DYRK4: variants seen among roughly 807,000 people sequenced by gnomAD.
DYRK4 encodes dual specificity tyrosine-phosphorylation-regulated kinase 4.
Under a neutral mutation model 68.3 loss-of-function variants are expected in DYRK4, and 64 were observed. The observed-to-expected ratio is 0.94, with a 90% CI of 0.77 to 1.15. The LOEUF (loss-of-function observed/expected upper bound fraction) is 1.15, where lower values mean the gene tolerates loss of function less well. Among genes scored for constraint, DYRK4 ranks in the 50% most tolerant of loss-of-function variants. The pLI, the probability that DYRK4 is intolerant of heterozygous loss-of-function variation, is 0.00. For missense variants in DYRK4, 740 were observed against 764.7 expected, an observed-to-expected ratio of 0.97 and a Z score of 0.38; for synonymous variants, 274 against 289.9, an observed-to-expected ratio of 0.95 and a Z score of 0.56.
At chr12:4,592,787 T>C (rs1481124171) in intron 5 of DYRK4, 2 of 502,374 alleles carry the variant, frequency 4.0e-6, no homozygotes, top group Non-Finnish European at 3.4e-6. Flanking sequence ...TGTCCTTGTG[T>C]TCCTTTCTCG....
At chr12:4,598,051 G>A (rs569339069) in intron 8 of DYRK4, among the ~76,000 whole-genome samples, 91 of 152,290 alleles carry the variant, frequency 6.0e-4, no homozygotes, top group African/African-American at 1.9e-3. Flanking sequence ...GGTCAACAGA[G>A]CAAGACTCTG....
intron 10 of DYRK4, chr12:4,603,198 C>T (rs1182338025): frequency 1.7e-6 from 2 of 1,179,406 alleles, no homozygotes; most frequent in Non-Finnish European, 2.5e-6. Flanking sequence ...GGTGAGACCT[C>T]ATCCTGCAAA....
Position 4,591,344 on chromosome 12 carries a change from G to T in DYRK4, c.463+46G>T. 1 of 1,603,750 alleles carries T rather than the reference G, an allele frequency of 6.2e-7. No homozygotes were observed. The highest frequency in any genetic ancestry group is 8.5e-7 in the Non-Finnish European group (1 of 1,175,724). ...CAGGGTGGGGAGGTGCTTATGGAAG[G>T]TCGGGGTGTTAAGAGCTAAGCTGCG... On this transcript the variant is annotated intron_variant, in intron 5 of 14. Transcript: ENST00000543431. This position sits in a 1 kb window ranked among gnomAD's most constrained non-coding sequence, Gnocchi z 4.1.
chr12:4,572,426 C>T (rs1440011353), intron 2 of DYRK4, among the ~76,000 whole-genome samples: 1 of 152,112 alleles, frequency 6.6e-6, no homozygotes, highest in East Asian at 1.9e-4. Context: ...GGACTACAGG[C>T]GCCCGCCACC....
At chr12:4,592,192 C>T (rs1380489923) in intron 5 of DYRK4, among the ~76,000 whole-genome samples, 5 of 152,162 alleles carry the variant, frequency 3.3e-5, no homozygotes, top group Non-Finnish European at 5.9e-5. Flanking sequence ...CTGCCATCTG[C>T]CCCCCTGCTA....
intron 2 of DYRK4, among the ~76,000 whole-genome samples, chr12:4,581,613 A>C (rs1488479241): frequency 1.3e-5 from 2 of 152,180 alleles, no homozygotes; most frequent in African/African-American, 4.8e-5. Flanking sequence ...TGAGGCTAGA[A>C]CAGGGCAAGG....
intron 2 of DYRK4, among the ~76,000 whole-genome samples, chr12:4,573,805 A>G (rs1207918937): frequency 6.6e-6 from 1 of 152,230 alleles, no homozygotes; most frequent in Non-Finnish European, 1.5e-5. Flanking sequence ...TAATTCATGA[A>G]TGCTTTTCAA....
Position 4,607,395 on chromosome 12 carries a change from C to G in DYRK4, c.1360+8C>G, listed in dbSNP as rs1945165608. 2 of 1,614,158 alleles carry G rather than the reference C, an allele frequency of 1.2e-6. No individual in the cohort carries two copies. Among genetic ancestry groups the G allele is most frequent in the South Asian group, 2.2e-5 (2 of 91,084 alleles). On this transcript the variant is annotated splice_region_variant and intron_variant, in intron 12 of 14. Transcript: ENST00000543431. ...GGAGACAGACATTCTTTGGTAAGTCCTAGTGTGTCTCATGAGGTGTCACAG... is the reference window on the plus strand; with the variant it reads ...GGAGACAGACATTCTTTGGTAAGTCGTAGTGTGTCTCATGAGGTGTCACAG...
intron 2 of DYRK4, among the ~76,000 whole-genome samples, chr12:4,571,818 A>G (rs1944733392): frequency 6.6e-6 from 1 of 152,188 alleles, no homozygotes; most frequent in Admixed American, 6.5e-5. Context: ...CATGACTCAC[A>G]TAATGTTTCT....
intron 2 of DYRK4, among the ~76,000 whole-genome samples, chr12:4,576,503 CA>C (rs1565533500): frequency 6.6e-6 from 1 of 152,140 alleles, no homozygotes; most frequent in African/African-American, 2.4e-5. Context: ...TGTGGACATA[CA>C]TTTTTTTAGT....
At chr12:4,573,366 A>C (rs1388857126) in intron 2 of DYRK4, 2 of 1,289,476 alleles carry the variant, frequency 1.6e-6, no homozygotes, top group Non-Finnish European at 1.0e-6. Context: ...GGTAAGTACC[A>C]GTTCCTTTGT....
At chr12:4,588,611 A>G (rs1239426491) in intron 2 of DYRK4, among the ~76,000 whole-genome samples, 1 of 152,202 alleles carries the variant, frequency 6.6e-6, no homozygotes, top group Non-Finnish European at 1.5e-5. Flanking sequence ...AAAGAGCAAG[A>G]GCAGCTCAGC....
At position 4,590,353 on chromosome 12, in the gene DYRK4, C is replaced by T; in HGVS notation, c.237C>T (p.Pro79=). ...FHKNTSVTSL[P]FVDTKGKKNT... ...AGAACACCAGTGTTACTTCACTCCC[C>T]TTTGTGGACACCAAGGGGAAGAAGA... is the stretch of plus-strand genomic sequence containing the variant. The change falls in exon 4 of 15, where the codon CCC becomes CCT. Residue 79 remains proline, a synonymous_variant. Coordinates refer to ENST00000543431, the MANE Select transcript of DYRK4 (RefSeq NM_001394779.1). 1 of 1,535,768 alleles carries T rather than the reference C, an allele frequency of 6.5e-7. No individual in the cohort carries two copies. The highest frequency in any genetic ancestry group is 8.7e-7 in the Non-Finnish European group (1 of 1,146,756).
chr12:4,591,348 G>T lies in DYRK4; in HGVS notation c.463+50G>T. 6.2e-7 allele frequency: 1 copy of T among 1,601,482 alleles called. No homozygotes were observed. The highest frequency in any genetic ancestry group is 1.1e-5 in the South Asian group (1 of 88,544). On this transcript the variant is annotated intron_variant, in intron 5 of 14. Coordinates refer to ENST00000543431, the MANE Select transcript of DYRK4 (RefSeq NM_001394779.1). The surrounding 1 kb of genome is among the most constrained non-coding windows in gnomAD (Gnocchi z 4.1). The stretch of plus-strand genomic sequence containing the variant: ...GTGGGGAGGTGCTTATGGAAGGTCG[G>T]GGTGTTAAGAGCTAAGCTGCGCTGG...
chr12:4,603,607 C>A (rs1234959943), intron 10 of DYRK4, among the ~76,000 whole-genome samples: 1 of 152,246 alleles, frequency 6.6e-6, no homozygotes, highest in Non-Finnish European at 1.5e-5. Flanking sequence ...GCCTCCGCAG[C>A]AGCCAGGACC....
intron 6 of DYRK4, among the ~76,000 whole-genome samples, chr12:4,595,651 G>T (rs1945008902): frequency 6.6e-6 from 1 of 152,174 alleles, no homozygotes; most frequent in South Asian, 2.1e-4. Context: ...AAGAGGCAGA[G>T]AGGAGACCTA....
intron 1 of DYRK4, among the ~76,000 whole-genome samples, chr12:4,563,712 GA>G (rs1944651129): frequency 6.6e-6 from 1 of 152,336 alleles, no homozygotes; most frequent in African/African-American, 2.4e-5. Context: ...AAACTTCACA[GA>G]ATGCCTGGAG....
At chr12:4,592,014 G>T (rs1944961520) in intron 5 of DYRK4, among the ~76,000 whole-genome samples, 1 of 152,080 alleles carries the variant, frequency 6.6e-6, no homozygotes, top group Admixed American at 6.5e-5. Flanking sequence ...TGCAAAGGAA[G>T]AGAGCCCAAA....
chr12:4,593,260 G>A, intron 6 of DYRK4, 95 bp downstream of exon 6: 1 of 1,410,158 alleles, frequency 7.1e-7, no homozygotes, highest in Non-Finnish European at 9.6e-7. Context: ...AGTATTTGGG[G>A]CTGATACGTT....
Sources: gnomAD v4.1 joint callset for allele counts (sites outside exome capture counted in the v4.1 genomes callset) on GRCh38, gnomAD v4.1.1 for gene constraint, Gnocchi (gnomAD v3.1) non-coding constraint, MANE v1.5 for transcripts, NCBI Gene and HGNC (gene_info 2026-07-23, HGNC 2026-07-21) for gene names.